SHISAL1: variants seen among roughly 807,000 people sequenced by gnomAD.
The protein encoded by SHISAL1 is protein shisa-like-1.
A neutral mutation model predicts 22.6 loss-of-function variants in SHISAL1; 9 were observed. The ratio of observed to expected loss-of-function variants is 0.40; its 90% CI spans 0.24 to 0.70. SHISAL1 has a LOEUF of 0.70. SHISAL1 is among the 30% of genes least tolerant of loss of function. The probability of loss-of-function intolerance (pLI) is 0.39; values close to 1 mark genes in which losing one functional copy is unlikely to be tolerated. For synonymous variants in SHISAL1, 119 were observed against 115.4 expected, an observed-to-expected ratio of 1.03 and a Z score of -0.20; for missense variants, 246 against 270.6, an observed-to-expected ratio of 0.91 and a Z score of 0.64.
At chr22:44,280,899 C>T (rs1353378408) in intron 4 of SHISAL1, among the ~76,000 whole-genome samples, 2 of 152,086 alleles carry the variant, frequency 1.3e-5, no homozygotes, top group East Asian at 3.9e-4. Context: ...GCCTGTGCCC[C>T]GGATTTGAGA....
chr22:44,286,502 C>T (rs1036163488), intron 3 of SHISAL1, among the ~76,000 whole-genome samples: 46 of 152,186 alleles, frequency 3.0e-4, no homozygotes, highest in Admixed American at 7.9e-4. Context: ...ACAGGGTCTG[C>T]GCTCCAGCAC....
chr22:44,278,632 C>T (rs2055256102), intron 4 of SHISAL1, among the ~76,000 whole-genome samples: 1 of 152,160 alleles, frequency 6.6e-6, no homozygotes, highest in South Asian at 2.1e-4. Context: ...CTTAATGCCC[C>T]CCTGAACCTT....
intron 1 of SHISAL1, among the ~76,000 whole-genome samples, chr22:44,303,244 T>C (rs2055445490): frequency 6.6e-6 from 1 of 151,846 alleles, no homozygotes; most frequent in South Asian, 2.1e-4. Flanking sequence ...TGGCACCCTG[T>C]TATGGTATGT....
intron 3 of SHISAL1, among the ~76,000 whole-genome samples, chr22:44,293,803 T>C (rs2055368697): frequency 1.3e-5 from 2 of 152,140 alleles, no homozygotes; most frequent in Non-Finnish European, 2.9e-5. Context: ...ATAAACACTT[T>C]CTAGGGCTAA....
intron 3 of SHISAL1, among the ~76,000 whole-genome samples, chr22:44,292,644 C>G (rs973366473): frequency 3.9e-5 from 6 of 152,208 alleles, no homozygotes; most frequent in Non-Finnish European, 8.8e-5. Context: ...GAGGCCCTCT[C>G]CAGCCCATCC....
At chr22:44,267,306 G>T (rs1040669496) in intron 4 of SHISAL1, among the ~76,000 whole-genome samples, 15 of 152,056 alleles carry the variant, frequency 9.9e-5, no homozygotes, top group Non-Finnish European at 2.2e-4. Context: ...ACTCCATGCT[G>T]CTGAGACCAA....
In SHISAL1 at chr22:44,248,908, G is replaced by A. The variant is rs1426271484; in HGVS notation, c.*777C>T. On this transcript the variant is annotated 3_prime_UTR_variant, in exon 5 of 5. Coordinates refer to ENST00000381176, the MANE Select transcript of SHISAL1 (RefSeq NM_001099294.2). ...GGTTAATCATACCTGCCTCCCAGGTGGTGAGAGAGGGAGTGCATGAAAACA... is the reference window on the plus strand; with the variant it reads ...GGTTAATCATACCTGCCTCCCAGGTAGTGAGAGAGGGAGTGCATGAAAACA... The A allele has an allele frequency of 6.6e-6, 1 of 152,170 alleles. No individual in the cohort carries two copies. Among genetic ancestry groups the A allele is most frequent in the Non-Finnish European group, 1.5e-5 (1 of 68,030 alleles). 9.4% of individuals were successfully genotyped at this position (152,170 alleles called of 1,614,324 possible).
the SHISAL1 span, among the ~76,000 whole-genome samples, chr22:44,330,176 A>T: frequency 6.6e-6 from 1 of 152,258 alleles, no homozygotes; most frequent in East Asian, 1.9e-4. Context: ...ACAGCCACCA[A>T]TGCTCAGTGG....
chr22:44,249,769 C>G, intron 4 of SHISAL1, 84 bp from the exon 5 acceptor site: 1 of 766,736 alleles, frequency 1.3e-6, no homozygotes, highest in East Asian at 2.4e-5. Flanking sequence ...CCGGAAGAAG[C>G]CAGGTTTTCT....
chr22:44,277,917 G>A (rs1007151629), intron 4 of SHISAL1, among the ~76,000 whole-genome samples: 4 of 152,174 alleles, frequency 2.6e-5, no homozygotes, highest in African/African-American at 9.7e-5. Context: ...CCTGATGACC[G>A]GCCAGGCTGG....
At chr22:44,322,655 G>A in the SHISAL1 span, among the ~76,000 whole-genome samples, 1 of 152,310 alleles carries the variant, frequency 6.6e-6, no homozygotes, top group South Asian at 2.1e-4. Context: ...CTATGCTGAA[G>A]CTGAGGAGTC....
At chr22:44,281,922 C>T (rs930538473) in intron 4 of SHISAL1, among the ~76,000 whole-genome samples, 1 of 152,224 alleles carries the variant, frequency 6.6e-6, no homozygotes, top group Non-Finnish European at 1.5e-5. Flanking sequence ...GACGGCACAA[C>T]GCCCCACCTG....
Position 44,310,778 on chromosome 22 carries a change from T to C in SHISAL1, c.-33+1973A>G, listed in dbSNP as rs1346487241. On this transcript the variant is annotated intron_variant, in intron 1 of 4. Transcript: ENST00000381176. This position sits in a 1 kb window ranked among gnomAD's most constrained non-coding sequence, Gnocchi z 4.0. ...CCCAGTTCATCTTTCCGTGCTTTGC[T>C]TGTTCCTTTAGTTGGCACGGATTTC... is the stretch of plus-strand genomic sequence containing the variant. 1.3e-5 allele frequency among the ~76,000 whole-genome samples: 2 copies of C among 152,084 alleles called. No homozygotes were observed. The highest frequency in any genetic ancestry group is 3.9e-4 in the East Asian group (2 of 5,170).
the SHISAL1 span, among the ~76,000 whole-genome samples, chr22:44,331,541 G>A: frequency 6.7e-6 from 1 of 150,286 alleles, no homozygotes. The surrounding 1 kb of genome is among the most constrained non-coding windows in gnomAD (Gnocchi z 5.2). Context: ...CCGGGAGCCG[G>A]CGCCCGCGGG....
chr22:44,268,385 T>A (rs960604442), intron 4 of SHISAL1, among the ~76,000 whole-genome samples: 1 of 152,178 alleles, frequency 6.6e-6, no homozygotes, highest in Non-Finnish European at 1.5e-5. Context: ...GGTCAGCACC[T>A]CCATTAGCCA....
At chr22:44,309,964 T>C (rs1601808104) in intron 1 of SHISAL1, among the ~76,000 whole-genome samples, 1 of 152,318 alleles carries the variant, frequency 6.6e-6, no homozygotes, top group East Asian at 1.9e-4. Flanking sequence ...AGGAGAGAAC[T>C]AGGACATCTT....
At chr22:44,276,467 C>T (rs557054934) in intron 4 of SHISAL1, among the ~76,000 whole-genome samples, 5 of 150,366 alleles carry the variant, frequency 3.3e-5, no homozygotes, top group East Asian at 4.0e-4. Context: ...CTGCTGCTGT[C>T]GGGGACAAAG....
intron 4 of SHISAL1, among the ~76,000 whole-genome samples, chr22:44,255,874 G>A (rs1413781059): frequency 2.0e-5 from 3 of 152,190 alleles, no homozygotes; most frequent in Non-Finnish European, 4.4e-5. Flanking sequence ...GCCACAGGGT[G>A]CCCTGATATT....
intron 4 of SHISAL1, among the ~76,000 whole-genome samples, chr22:44,266,531 T>G (rs3052191): frequency 4.8e-4 from 46 of 95,574 alleles, no homozygotes; most frequent in East Asian, 2.7e-3. Flanking sequence ...TTGGGGTATG[T>G]GTGTGTGTGT....
Sources: gnomAD v4.1 joint callset for allele counts (sites outside exome capture counted in the v4.1 genomes callset) on GRCh38, gnomAD v4.1.1 for gene constraint, Gnocchi (gnomAD v3.1) non-coding constraint, MANE v1.5 for transcripts, NCBI Gene and HGNC (gene_info 2026-07-23, HGNC 2026-07-21) for gene names.